TAOK3: variants seen among roughly 807,000 people sequenced by gnomAD.
The protein encoded by TAOK3 is serine/threonine-protein kinase TAO3.
Under a neutral mutation model 120.4 loss-of-function variants are expected in TAOK3, and 40 were observed. That is an observed-to-expected ratio of 0.33 (90% CI 0.26 to 0.43). TAOK3 has a LOEUF of 0.43. Among genes scored for constraint, TAOK3 ranks in the 20% least tolerant of loss-of-function variants. The probability of loss-of-function intolerance (pLI) is 1.00; values close to 1 mark genes in which losing one functional copy is unlikely to be tolerated. For missense variants in TAOK3, 821 were observed against 1,112.1 expected (o/e 0.74, Z 3.72); for synonymous variants, 355 against 387.5 (o/e 0.92, Z 0.99).
chr12:118,209,717 CT>C (rs34444685), intron 11 of TAOK3, among the ~76,000 whole-genome samples: 63 of 142,542 alleles, frequency 4.4e-4, no homozygotes, highest in Admixed American at 5.6e-4. Flanking sequence ...TCTTCTTCTT[CT>C]TTTTTTTTTT....
In TAOK3 at chr12:118,160,134, C is replaced by G; in HGVS notation, c.2352+12G>C. ...AGCTCTCGAAGCCGTGGCACCAAAC[C>G]TAACCACTTACCGCTTGAGAGGCCA... On this transcript the variant is annotated intron_variant, in intron 19 of 20. Coordinates refer to ENST00000392533, the MANE Select transcript of TAOK3 (RefSeq NM_016281.4). The surrounding 1 kb of genome is among the most constrained non-coding windows in gnomAD (Gnocchi z 4.2). The G allele has an allele frequency of 1.2e-6, 2 of 1,609,436 alleles. No individual in the cohort carries two copies. Among genetic ancestry groups the G allele is most frequent in the South Asian group, 2.2e-5 (2 of 90,950 alleles).
At chr12:118,287,105 T>C (rs931821744) in intron 1 of TAOK3, among the ~76,000 whole-genome samples, 2 of 151,996 alleles carry the variant, frequency 1.3e-5, no homozygotes, top group East Asian at 1.9e-4. Context: ...AGACTACAAA[T>C]TGTGTGCAGT....
At chr12:118,307,582 T>C (rs1483587815) in intron 1 of TAOK3, among the ~76,000 whole-genome samples, 5 of 152,182 alleles carry the variant, frequency 3.3e-5, no homozygotes, top group Admixed American at 1.3e-4. Flanking sequence ...TATGTATAAG[T>C]GTTTTTGCAG....
chr12:118,328,513 T>G (rs934705110), intron 1 of TAOK3, among the ~76,000 whole-genome samples: 10 of 152,172 alleles, frequency 6.6e-5, no homozygotes, highest in African/African-American at 2.4e-4. Flanking sequence ...TACCCCAACT[T>G]ACATGGCGAT....
At chr12:118,341,042 G>C (rs530568785) in intron 1 of TAOK3, among the ~76,000 whole-genome samples, 134 of 150,702 alleles carry the variant, frequency 8.9e-4, no homozygotes, top group African/African-American at 3.0e-3. Context: ...CCAGGCTGGA[G>C]TGCAGTGGCG....
chr12:118,255,369 A>T, intron 3 of TAOK3, 79 bp downstream of exon 3: 1 of 1,503,518 alleles, frequency 6.7e-7, no homozygotes, highest in Non-Finnish European at 9.1e-7. Flanking sequence ...CTAGGATTAC[A>T]GGCGTGAGTC....
intron 14 of TAOK3, among the ~76,000 whole-genome samples, chr12:118,184,042 A>G (rs749010971): frequency 6.6e-5 from 10 of 152,210 alleles, no homozygotes; most frequent in Non-Finnish European, 1.5e-4. Context: ...CAGATCACAT[A>G]CAAGGTGATC....
intron 1 of TAOK3, among the ~76,000 whole-genome samples, chr12:118,348,112 T>G (rs2044952210): frequency 6.6e-6 from 1 of 152,210 alleles, no homozygotes; most frequent in Non-Finnish European, 1.5e-5. Flanking sequence ...CCACCACGCC[T>G]GCTGAAAAGG....
At chr12:118,258,180 C>G (rs2041070240) in intron 2 of TAOK3, among the ~76,000 whole-genome samples, 1 of 152,022 alleles carries the variant, frequency 6.6e-6, no homozygotes, top group Admixed American at 6.6e-5. Context: ...AGGAAAATTG[C>G]AAAAGACCCT....
intron 1 of TAOK3, among the ~76,000 whole-genome samples, chr12:118,273,971 T>C (rs1340959536): frequency 6.6e-6 from 1 of 152,178 alleles, no homozygotes. Context: ...CTGAGGCAGG[T>C]AAAATCTTAA....
chr12:118,166,143 TTTGGGAG>T (rs1467796354), intron 17 of TAOK3, among the ~76,000 whole-genome samples: 2 of 152,190 alleles, frequency 1.3e-5, no homozygotes, highest in Non-Finnish European at 2.9e-5. Flanking sequence ...TTAGTAGGCA[TTTGGGAG>T]TTGAAGGACT....
intron 2 of TAOK3, among the ~76,000 whole-genome samples, chr12:118,265,246 G>A (rs1003683454): frequency 4.0e-5 from 6 of 151,756 alleles, no homozygotes; most frequent in Non-Finnish European, 8.8e-5. Flanking sequence ...AAAACTAGCC[G>A]GGCATGGTGG....
At chr12:118,226,944 G>A (rs207473427) in intron 9 of TAOK3, among the ~76,000 whole-genome samples, 5 of 152,074 alleles carry the variant, frequency 3.3e-5, no homozygotes, top group Admixed American at 6.6e-5. Context: ...ACATGTACAC[G>A]GTACAAAATC....
intron 2 of TAOK3, chr12:118,261,392 C>T (rs764935281): frequency 7.9e-5 from 12 of 152,080 alleles, no homozygotes; most frequent in Non-Finnish European, 1.5e-4. Context: ...TAATAAATTG[C>T]TCAAAATTTG....
intron 1 of TAOK3, chr12:118,295,373 C>T (rs1417863260): frequency 6.6e-6 from 1 of 152,044 alleles, no homozygotes; most frequent in Non-Finnish European, 1.5e-5. Context: ...CCCTTTAAGC[C>T]TTGGTTTCCT....
At chr12:118,296,586 C>G (rs1296531539) in intron 1 of TAOK3, among the ~76,000 whole-genome samples, 1 of 152,172 alleles carries the variant, frequency 6.6e-6, no homozygotes, top group African/African-American at 2.4e-5. Context: ...AACACCTAGG[C>G]TGTCCATGTA....
At chr12:118,290,315 T>C (rs1473990317) in intron 1 of TAOK3, among the ~76,000 whole-genome samples, 1 of 152,150 alleles carries the variant, frequency 6.6e-6, no homozygotes, top group Non-Finnish European at 1.5e-5. Context: ...ACTACTTCCC[T>C]GAGATATCAA....
At chr12:118,238,808 T>C (rs146726017) in intron 6 of TAOK3, among the ~76,000 whole-genome samples, 1 of 151,966 alleles carries the variant, frequency 6.6e-6, no homozygotes, top group Admixed American at 6.6e-5. Context: ...CTCAAGATAT[T>C]TTTTTTAAAG....
intron 1 of TAOK3, among the ~76,000 whole-genome samples, chr12:118,351,886 T>C (rs2141228266): frequency 6.8e-6 from 1 of 146,464 alleles, no homozygotes; most frequent in East Asian, 2.0e-4. Context: ...TTTTTTTTTT[T>C]TTTTAGTGGC....
Sources: allele counts gnomAD v4.1 joint callset (sites outside exome capture counted in the v4.1 genomes callset), GRCh38; gene constraint gnomAD v4.1.1; non-coding constraint Gnocchi (gnomAD v3.1); transcripts MANE v1.5; gene names NCBI Gene and HGNC (gene_info 2026-07-23, HGNC 2026-07-21).